The following SMARCAD1 variants were observed in gnomAD, a reference collection of about 807,000 sequenced individuals.
SMARCAD1 encodes the protein SWI/SNF-related matrix-associated actin-dependent regulator of chromatin subfamily A containing DEAD/H box 1.
SMARCAD1 carries 25 observed loss-of-function variants against 127.1 expected under a neutral mutation model. That is an observed-to-expected ratio of 0.20 (90% CI 0.14 to 0.27). The LOEUF is 0.27. Among genes scored for constraint, SMARCAD1 ranks in the 10% least tolerant of loss-of-function variants. SMARCAD1 has a pLI of 1.00. For synonymous variants in SMARCAD1, 400 were observed against 396.9 expected (o/e 1.01, Z -0.09); for missense variants, 807 against 1,206.0 (o/e 0.67, Z 4.90).
intron 9 of SMARCAD1, among the ~76,000 whole-genome samples, chr4:94,257,084 AAGT>A (rs1750216184): frequency 6.6e-6 from 1 of 152,216 alleles, no homozygotes; most frequent in Non-Finnish European, 1.5e-5. Flanking sequence ...TGAAAGAAAA[AAGT>A]CCTTTGAGTA....
chr4:94,272,250 T>C (rs1752641086), intron 11 of SMARCAD1, among the ~76,000 whole-genome samples: 1 of 152,194 alleles, frequency 6.6e-6, no homozygotes, highest in African/African-American at 2.4e-5. Flanking sequence ...CTAAATACAA[T>C]GGCATTTGAG....
At chr4:94,286,011 C>G (rs1754882431) in intron 23 of SMARCAD1, among the ~76,000 whole-genome samples, 1 of 152,180 alleles carries the variant, frequency 6.6e-6, no homozygotes. Flanking sequence ...TTCAGCAATA[C>G]TAGCAAATAT....
chr4:94,290,142 AATTT>A lies in SMARCAD1; in HGVS notation c.*613_*616del, dbSNP rs1277731622. 2.2e-6 allele frequency: 1 copy of A among 454,492 alleles called. No homozygotes were observed. Among genetic ancestry groups the A allele is most frequent in the Admixed American group, 2.3e-5 (1 of 42,558 alleles). The allele number at this position is 454,492 out of a possible 1,614,324, so 28.2% of individuals were successfully genotyped here. A position where few individuals can be genotyped will look rare whatever the true frequency, so the allele number is the denominator to read the frequency against. On this transcript the variant is annotated 3_prime_UTR_variant, in exon 24 of 24. Transcript: ENST00000354268. ...CCTCTCAAGTACTTCTGCTGAAACA[AATTT>A]ATTTGGCTAGGCACTAAGTTGTTTT...
intron 22 of SMARCAD1, 107 bp from the exon 23 acceptor site, chr4:94,284,850 ATGT>A: frequency 1.4e-6 from 1 of 715,712 alleles, no homozygotes; most frequent in Non-Finnish European, 2.4e-6. Context: ...ATTTAAGGAT[ATGT>A]TTGTCGTAAT....
chr4:94,220,965 T>C (rs764311693), intron 2 of SMARCAD1, among the ~76,000 whole-genome samples: 1 of 152,256 alleles, frequency 6.6e-6, no homozygotes, highest in Non-Finnish European at 1.5e-5. Context: ...TGCTTTGTGC[T>C]AACCAGTCAC....
Position 94,280,684 on chromosome 4 carries a change from C to T in SMARCAD1, c.2511C>T (p.Tyr837=), listed in dbSNP as rs772012183. 2 of 1,613,658 alleles carry T rather than the reference C, an allele frequency of 1.2e-6. No individual in the cohort carries two copies. Among genetic ancestry groups the T allele is most frequent in the Non-Finnish European group, 1.7e-6 (2 of 1,179,756 alleles). The change falls in exon 20 of 24, where the codon TAC becomes TAT. Residue 837 remains tyrosine, a synonymous_variant. Coordinates refer to ENST00000354268, the MANE Select transcript of SMARCAD1 (RefSeq NM_020159.5). The part of the protein sequence containing the change: ...DFELHVLCKQ[Y]RHINNFQLDM... ...AACTACATGTACTTTGTAAACAGTA[C>T]CGACACATTAATAACTTTCAGTTAG...
chr4:94,247,154 G>C (rs1748560502), intron 6 of SMARCAD1, among the ~76,000 whole-genome samples: 2 of 152,166 alleles, frequency 1.3e-5, no homozygotes, highest in South Asian at 4.1e-4. Context: ...TAGGGACTTG[G>C]ATTTGGTGTT....
intron 9 of SMARCAD1, 127 bp from the exon 10 acceptor site, chr4:94,264,580 T>C: frequency 1.5e-6 from 1 of 688,874 alleles, no homozygotes; most frequent in Non-Finnish European, 2.4e-6. Context: ...GTTCTCTTAG[T>C]AGTTGACTAT....
intron 3 of SMARCAD1, among the ~76,000 whole-genome samples, chr4:94,232,702 C>T (rs1437596057): frequency 6.6e-6 from 1 of 152,138 alleles, no homozygotes; most frequent in Non-Finnish European, 1.5e-5. Flanking sequence ...CCTGTTATCC[C>T]AGCACTTTGG....
rs561528124 is a variant in SMARCAD1, at chr4:94,212,446, A to T, written c.190+3862A>T. ...TGCCTTGGCCTCTGAAAGTGCTAGG[A>T]TTATAGGCATGAGCCACCACGCCCA... is the stretch of plus-strand genomic sequence containing the variant. On this transcript the variant is annotated intron_variant, in intron 2 of 23. Coordinates refer to ENST00000354268, the MANE Select transcript of SMARCAD1 (RefSeq NM_020159.5). 1.4e-4 allele frequency among the ~76,000 whole-genome samples: 22 copies of T among 152,182 alleles called. No homozygotes were observed. The East Asian group carries it at 3.9e-3, about 27-fold the overall frequency.
intron 6 of SMARCAD1, among the ~76,000 whole-genome samples, chr4:94,247,833 ATTTG>A (rs953754766): frequency 6.6e-6 from 1 of 151,974 alleles, no homozygotes; most frequent in Non-Finnish European, 1.5e-5. Flanking sequence ...AATGTGTTTT[ATTTG>A]TTTTTTCTTT....
intron 5 of SMARCAD1, among the ~76,000 whole-genome samples, chr4:94,237,489 TACAC>T (rs1439334526): frequency 7.7e-6 from 1 of 130,536 alleles, no homozygotes; most frequent in Non-Finnish European, 1.7e-5. Context: ...TTTTTTAACT[TACAC>T]ATACTAAAAA....
At position 94,207,997 on chromosome 4, in the gene SMARCAD1, G is replaced by C. The variant is rs1372503010; in HGVS notation, c.-123G>C. 2 of 394,120 alleles carry C rather than the reference G, an allele frequency of 5.1e-6. No homozygotes were observed. Among genetic ancestry groups the C allele is most frequent in the Admixed American group, 3.0e-5 (1 of 33,298 alleles). The allele number at this position is 394,120 out of a possible 1,614,324, so 24.4% of individuals were successfully genotyped here. A position where few individuals can be genotyped will look rare whatever the true frequency, so the allele number is the denominator to read the frequency against. ...TCGAGGCAGGGGGCACGGTAGCACA[G>C]GGAGCTTCTCTTTGTGGGCGGGCGC... On this transcript the variant is annotated 5_prime_UTR_variant, in exon 1 of 24. Transcript: ENST00000354268.
At chr4:94,233,731 C>G (rs912404876) in intron 3 of SMARCAD1, among the ~76,000 whole-genome samples, 4 of 152,044 alleles carry the variant, frequency 2.6e-5, no homozygotes, top group Non-Finnish European at 5.9e-5. Context: ...CATCCCAGCT[C>G]AGGGTTGAGA....
chr4:94,233,559 T>A (rs1746174478), intron 3 of SMARCAD1, among the ~76,000 whole-genome samples: 1 of 152,182 alleles, frequency 6.6e-6, no homozygotes, highest in South Asian at 2.1e-4. Context: ...AATTACTTTA[T>A]CTTTGTATCC....
intron 9 of SMARCAD1, among the ~76,000 whole-genome samples, chr4:94,260,414 G>A (rs983625004): frequency 3.9e-5 from 6 of 151,968 alleles, no homozygotes; most frequent in Non-Finnish European, 8.8e-5. Context: ...CGTGATCTTG[G>A]CTCACTGCAA....
intron 5 of SMARCAD1, 113 bp downstream of exon 5, chr4:94,237,131 GA>G: frequency 1.1e-6 from 1 of 895,080 alleles, no homozygotes; most frequent in South Asian, 1.4e-5. Flanking sequence ...ATTCTTACAG[GA>G]ATTTGTGAGG....
At chr4:94,236,463 G>A (rs1746669553) in intron 4 of SMARCAD1, among the ~76,000 whole-genome samples, 1 of 151,916 alleles carries the variant, frequency 6.6e-6, no homozygotes, top group South Asian at 2.1e-4. Context: ...ATCTCGAGCA[G>A]TATTAGATTT....
intron 9 of SMARCAD1, chr4:94,253,403 C>A: frequency 8.0e-7 from 1 of 1,257,688 alleles, no homozygotes; most frequent in Admixed American, 2.7e-5. Context: ...TTTACTACAA[C>A]TACTTGAAGA....
Sources: allele counts gnomAD v4.1 joint callset (sites outside exome capture counted in the v4.1 genomes callset), GRCh38; gene constraint gnomAD v4.1.1; transcripts MANE v1.5; gene names NCBI Gene and HGNC (gene_info 2026-07-23, HGNC 2026-07-21).